The following RNASEH2A variants were observed in gnomAD, a reference collection of about 807,000 sequenced individuals.
RNASEH2A encodes the protein ribonuclease H2 subunit A.
RNASEH2A carries 30 observed loss-of-function variants against 32.7 expected under a neutral mutation model. That is an observed-to-expected ratio of 0.92 (90% CI 0.69 to 1.25). The LOEUF (loss-of-function observed/expected upper bound fraction) is 1.25, where lower values mean the gene tolerates loss of function less well. RNASEH2A is among the 50% of genes most tolerant of loss of function. RNASEH2A has a pLI of 0.00. For missense variants in RNASEH2A, 409 were observed against 398.1 expected (o/e 1.03, Z -0.23); for synonymous variants, 147 against 165.4 (o/e 0.89, Z 0.86).
At chr19:12,811,281 G>A (rs1383622439) in intron 6 of RNASEH2A, among the ~76,000 whole-genome samples, 1 of 152,090 alleles carries the variant, frequency 6.6e-6, no homozygotes, top group African/African-American at 2.4e-5. Context: ...CCCCAGTGAT[G>A]GACTGAGACC....
In RNASEH2A at chr19:12,813,481, C is replaced by T. The variant is rs373888055; in HGVS notation, c.*15C>T. The stretch of plus-strand genomic sequence containing the variant: ...CCAGCCTCTAGCAGCTGCCTCTACG[C>T]GCTCTACCTGCTTCCCCAACCCAGA... On this transcript the variant is annotated 3_prime_UTR_variant, in exon 8 of 8. Coordinates refer to ENST00000221486, the MANE Select transcript of RNASEH2A (RefSeq NM_006397.3). 6.1e-5 allele frequency: 98 copies of T among 1,611,990 alleles called. No individual in the cohort carries two copies. The highest frequency in any genetic ancestry group is 1.3e-4 in the South Asian group (12 of 91,086).
At position 12,807,196 on chromosome 19, in the gene RNASEH2A, C is replaced by G. The variant is rs765257841; in HGVS notation, c.200-10C>G. On this transcript the variant is annotated splice_polypyrimidine_tract_variant and intron_variant, in intron 2 of 7. Coordinates refer to ENST00000221486, the MANE Select transcript of RNASEH2A (RefSeq NM_006397.3). The stretch of plus-strand genomic sequence containing the variant: ...CAGCTGTTCCCCTTCTCTTCCAAAC[C>G]TCCTCCCAGACTCAAAGACCCTATT... 4 of 1,614,100 alleles carry G rather than the reference C, an allele frequency of 2.5e-6. No individual in the cohort carries two copies. The highest frequency in any genetic ancestry group is 2.2e-5 in the East Asian group (1 of 44,886).
chr19:12,813,422 C>T lies in RNASEH2A; in HGVS notation c.856C>T (p.Arg286Ter), dbSNP rs1286615636. 5.6e-6 allele frequency: 9 copies of T among 1,613,992 alleles called. No individual in the cohort carries two copies. Among genetic ancestry groups the T allele is most frequent in the African/African-American group, 5.3e-5 (4 of 74,912 alleles). Reference sequence around the variant, plus strand: ...CCAAGCCCGTCCCCGTTCTTCCCACCGATATTTCCTGGAACGCGGCCTGGA... The same window carrying T: ...CCAAGCCCGTCCCCGTTCTTCCCACTGATATTTCCTGGAACGCGGCCTGGA... ...GSQARPRSSH[R>*]YFLERGLESA... Residue 286 changes from arginine (R) to a stop codon, truncating the protein, a stop_gained, in exon 8 of 8, where the codon CGA (arginine) becomes TGA (stop). Coordinates refer to ENST00000221486, the MANE Select transcript of RNASEH2A (RefSeq NM_006397.3). LOFTEE classifies it high-confidence loss of function.
intron 6 of RNASEH2A, among the ~76,000 whole-genome samples, chr19:12,810,718 C>G (rs1969060812): frequency 6.6e-6 from 1 of 151,934 alleles, no homozygotes; most frequent in African/African-American, 2.4e-5. Flanking sequence ...TTAGTAGAGA[C>G]TAGTTTTCTC....
At chr19:12,808,668 T>G (rs10421397) in intron 4 of RNASEH2A, among the ~76,000 whole-genome samples, 1,817 of 152,222 alleles carry the variant, frequency 0.012, 36 homozygotes, top group African/African-American at 0.042. Context: ...ATCAGGAAAA[T>G]TCACAGTCGA....
chr19:12,809,974 G>C lies in RNASEH2A; in HGVS notation c.412-97G>C, dbSNP rs544732920. 15 of 1,490,354 alleles carry C rather than the reference G, an allele frequency of 1.0e-5. No individual in the cohort carries two copies. The African/African-American group carries it at 2.1e-4, about 21-fold the overall frequency. The allele number at this position is 1,490,354 out of a possible 1,614,324, so 92.3% of individuals were successfully genotyped here. A position where few individuals can be genotyped will look rare whatever the true frequency, so the allele number is the denominator to read the frequency against. On this transcript the variant is annotated intron_variant, in intron 4 of 7. Coordinates refer to ENST00000221486, the MANE Select transcript of RNASEH2A (RefSeq NM_006397.3). Reference sequence around the variant, plus strand: ...TCCATCCTGGGGACGTGCTGGAGAAGAGGATTCTGGGTAGCAGGAAGAACG... The same window carrying C: ...TCCATCCTGGGGACGTGCTGGAGAACAGGATTCTGGGTAGCAGGAAGAACG...
At chr19:12,809,987 A>G (rs1482682654) in intron 4 of RNASEH2A, 84 bp from the exon 5 acceptor site, 8 of 1,550,860 alleles carry the variant, frequency 5.2e-6, no homozygotes, top group East Asian at 4.5e-5. Flanking sequence ...GATTCTGGGT[A>G]GCAGGAAGAA....
intron 6 of RNASEH2A, among the ~76,000 whole-genome samples, chr19:12,812,321 A>T (rs1479845604): frequency 2.6e-5 from 4 of 151,972 alleles, no homozygotes; most frequent in Non-Finnish European, 5.9e-5. Context: ...TGAGGTCAGG[A>T]GTTTGAGACC....
chr19:12,809,789 G>A (rs539408621), intron 4 of RNASEH2A, among the ~76,000 whole-genome samples: 70 of 152,100 alleles, frequency 4.6e-4, no homozygotes, highest in Non-Finnish European at 7.5e-4. Context: ...TTTATTTTAT[G>A]TTTTTATAAA....
In RNASEH2A at chr19:12,807,037, C is replaced by A. The variant is rs745517477; in HGVS notation, c.157C>A (p.Pro53Thr). ...CATGGTCTACGCCATCTGTTATTGT[C>A]CCCTGCCTCGCCTGGCAGATCTGGA... ...GPMVYAICYCPLPRLADLEAL... is the reference protein window; with the variant it reads ...GPMVYAICYCTLPRLADLEAL... Residue 53 changes from proline (P) to threonine (T), a missense_variant, in exon 2 of 8, where the codon CCC (proline) becomes ACC (threonine). Coordinates refer to ENST00000221486, the MANE Select transcript of RNASEH2A (RefSeq NM_006397.3). 2 of 1,614,094 alleles carry A rather than the reference C, an allele frequency of 1.2e-6. No homozygotes were observed. Among genetic ancestry groups the A allele is most frequent in the Admixed American group, 1.7e-5 (1 of 60,012 alleles).
chr19:12,809,227 AAAAT>A (rs1268603887), intron 4 of RNASEH2A, among the ~76,000 whole-genome samples: 3 of 152,304 alleles, frequency 2.0e-5, no homozygotes, highest in South Asian at 4.1e-4. Context: ...AAAAAATAAA[AAAAT>A]AAAACATGAA....
chr19:12,810,402 A>T lies in RNASEH2A; in HGVS notation c.635A>T (p.Asn212Ile), dbSNP rs377244188. Reference sequence around the variant, plus strand: ...ACTGATTATGGCTCAGGCTACCCCAATGGTGAGCAGACACGTGACCATGGT... The same window carrying T: ...ACTGATTATGGCTCAGGCTACCCCATTGGTGAGCAGACACGTGACCATGGT... ...LDTDYGSGYP[N>I]DPKTKAWLKE... Residue 212 changes from asparagine (N) to isoleucine (I), a missense_variant and splice_region_variant, in exon 6 of 8, where the codon AAT becomes ATT. Physicochemically the swap from Asn to Ile is moderately radical, Grantham distance 149. Coordinates refer to ENST00000221486, the MANE Select transcript of RNASEH2A (RefSeq NM_006397.3). The T allele has an allele frequency of 7.7e-5, 125 of 1,613,584 alleles. No individual in the cohort carries two copies. Among genetic ancestry groups the T allele is most frequent in the Non-Finnish European group, 6.9e-5 (81 of 1,179,604 alleles).
Position 12,806,992 on chromosome 19 carries a change from C to T in RNASEH2A, c.128-16C>T, listed in dbSNP as rs1969002262. On this transcript the variant is annotated splice_polypyrimidine_tract_variant and intron_variant, in intron 1 of 7. Transcript: ENST00000221486. ...TGGACCCCGGCTGCCAGAAAACTGACACCCCTTCTCCCCAGGCCCCATGGT... is the reference window on the plus strand; with the variant it reads ...TGGACCCCGGCTGCCAGAAAACTGATACCCCTTCTCCCCAGGCCCCATGGT... 6.2e-7 allele frequency: 1 copy of T among 1,612,980 alleles called. No homozygotes were observed. The highest frequency in any genetic ancestry group is 1.3e-5 in the African/African-American group (1 of 74,898).
chr19:12,813,202 A>G lies in RNASEH2A; in HGVS notation c.757A>G (p.Ile253Val), dbSNP rs781485261. Residue 253 changes from isoleucine (I) to valine (V), a missense_variant, in exon 7 of 8, where the codon ATA (isoleucine) becomes GTA (valine). Ile to Val is a conservative substitution (Grantham distance 29). Coordinates refer to ENST00000221486, the MANE Select transcript of RNASEH2A (RefSeq NM_006397.3). ...CCTGGAGAAAGAGGCGGAAGATGTTATATGGTGGGTGTCATGGATGTCCTG... is the reference window on the plus strand; with the variant it reads ...CCTGGAGAAAGAGGCGGAAGATGTTGTATGGTGGGTGTCATGGATGTCCTG... ...TILEKEAEDV[I>V]WEDSASENQE... 3.1e-6 allele frequency: 5 copies of G among 1,613,848 alleles called. No homozygotes were observed. The African/African-American group carries it at 5.3e-5, about 17-fold the overall frequency.
In RNASEH2A at chr19:12,806,720, T is replaced by C. The variant is rs902489928; in HGVS notation, c.47T>C (p.Leu16Pro). 1 of 1,568,640 alleles carries C rather than the reference T, an allele frequency of 6.4e-7. No homozygotes were observed. Among genetic ancestry groups the C allele is most frequent in the South Asian group, 1.2e-5 (1 of 85,500 alleles). ...AGAGACAATACAGGCCGCTGTCGCC[T>C]GAGTTCGCCTGTGCCCGCGGTGTGC... ...LERDNTGRCR[L>P]SSPVPAVCRK... The change falls in exon 1 of 8, where the codon CTG becomes CCG. Residue 16 changes from leucine (L) to proline (P), a missense_variant. By Grantham distance (98) the Leu-to-Pro change is moderately conservative. Coordinates refer to ENST00000221486, the MANE Select transcript of RNASEH2A (RefSeq NM_006397.3).
rs752467571 is a variant in RNASEH2A at position 12,807,461 on chromosome 19, T to G, written c.366T>G (p.Thr122=). ...NLNSLSHDTA[T]GLIQYALDQG... ...ACTCCCTGTCACATGATACAGCCAC[T>G]GGGCTTATACAGTATGCATTGGACC... The change falls in exon 4 of 8, where the codon ACT becomes ACG. Residue 122 remains threonine (T), a synonymous_variant. Transcript: ENST00000221486. 5.9e-5 allele frequency: 95 copies of G among 1,614,106 alleles called. No homozygotes were observed. The highest frequency in any genetic ancestry group is 7.7e-5 in the Non-Finnish European group (91 of 1,180,054).
intron 6 of RNASEH2A, 122 bp from the exon 7 acceptor site, chr19:12,812,961 C>T (rs530496827): frequency 1.8e-5 from 24 of 1,358,400 alleles, no homozygotes; most frequent in East Asian, 7.3e-5. Flanking sequence ...GCTGAGATCG[C>T]GCCACTGCAC....
chr19:12,807,995 A>C (rs1345309969), intron 4 of RNASEH2A: 4 of 212,336 alleles, frequency 1.9e-5, no homozygotes, highest in Non-Finnish European at 1.9e-5. Flanking sequence ...TCACGGCTGT[A>C]ATCCCAGCGT....
intron 4 of RNASEH2A, chr19:12,807,964 T>A: frequency 4.6e-6 from 1 of 217,624 alleles, no homozygotes; most frequent in Non-Finnish European, 9.3e-6. Flanking sequence ...AAACTAAAAA[T>A]GGGAGACCAG....
Sources: allele counts gnomAD v4.1 joint callset (sites outside exome capture counted in the v4.1 genomes callset), GRCh38; gene constraint gnomAD v4.1.1; transcripts MANE v1.5; gene names NCBI Gene and HGNC (gene_info 2026-07-23, HGNC 2026-07-21).